The following GRM8 variants were observed in gnomAD, a reference collection of about 807,000 sequenced individuals.
GRM8 encodes metabotropic glutamate receptor 8.
In GRM8, 47 loss-of-function variants were observed where a neutral mutation model predicts 87.2. The ratio of observed to expected loss-of-function variants is 0.54; its 90% confidence interval spans 0.43 to 0.69. GRM8 has a LOEUF of 0.69. Among genes scored for constraint, GRM8 ranks in the 30% least tolerant of loss-of-function variants. GRM8 has a pLI of 0.00. For synonymous variants in GRM8, 396 were observed against 404.5 expected (o/e 0.98, Z 0.25); for missense variants, 1,019 against 1,139.2 (o/e 0.89, Z 1.52).
At chr7:126,595,954 T>G (rs1585163803) in intron 8 of GRM8, among the ~76,000 whole-genome samples, 1 of 152,178 alleles carries the variant, frequency 6.6e-6, no homozygotes. Flanking sequence ...CTGGACAATA[T>G]GGTGAAACCA....
chr7:127,116,897 G>A (rs553511257), intron 2 of GRM8, among the ~76,000 whole-genome samples: 1 of 152,254 alleles, frequency 6.6e-6, no homozygotes, highest in Admixed American at 6.5e-5. Flanking sequence ...GGGTTCTTAT[G>A]CCAGGACTAT....
At chr7:126,895,117 C>G (rs1433179783) in intron 6 of GRM8, among the ~76,000 whole-genome samples, 3 of 151,956 alleles carry the variant, frequency 2.0e-5, no homozygotes, top group African/African-American at 7.2e-5. Flanking sequence ...ATGAGAAAAA[C>G]ACGCACACAC....
At chr7:126,515,157 C>T (rs1811994353) in intron 9 of GRM8, among the ~76,000 whole-genome samples, 2 of 151,916 alleles carry the variant, frequency 1.3e-5, no homozygotes, top group South Asian at 4.1e-4. Context: ...TTAATTTCAT[C>T]ATATATCATA....
intron 6 of GRM8, among the ~76,000 whole-genome samples, chr7:126,810,070 G>T (rs1464701151): frequency 6.6e-6 from 1 of 152,084 alleles, no homozygotes; most frequent in Non-Finnish European, 1.5e-5. Flanking sequence ...GTATAAAGGG[G>T]AAAACATACT....
At chr7:126,975,359 GA>G (rs1447453110) in intron 3 of GRM8, among the ~76,000 whole-genome samples, 1 of 152,156 alleles carries the variant, frequency 6.6e-6, no homozygotes, top group Non-Finnish European at 1.5e-5. Flanking sequence ...ATTATTTAGG[GA>G]GACAAAACAT....
At chr7:126,991,895 T>C (rs978630528) in intron 3 of GRM8, among the ~76,000 whole-genome samples, 1 of 152,196 alleles carries the variant, frequency 6.6e-6, no homozygotes, top group Non-Finnish European at 1.5e-5. Flanking sequence ...TTTTCATCAG[T>C]GAGGTTCAGT....
At chr7:127,189,595 C>G (rs17862316) in intron 2 of GRM8, among the ~76,000 whole-genome samples, 2,460 of 152,040 alleles carry the variant, frequency 0.016, 32 homozygotes, top group South Asian at 0.044. Context: ...ATAGGAAGCA[C>G]TAAATGTTTA....
intron 7 of GRM8, among the ~76,000 whole-genome samples, chr7:126,700,653 T>C (rs1329948074): frequency 2.0e-5 from 3 of 152,252 alleles, no homozygotes; most frequent in African/African-American, 7.2e-5. Context: ...CCCAATTTAG[T>C]TCACCCTGAG....
At chr7:126,544,793 C>G (rs1393999089) in intron 8 of GRM8, among the ~76,000 whole-genome samples, 1 of 152,098 alleles carries the variant, frequency 6.6e-6, no homozygotes, top group African/African-American at 2.4e-5. Context: ...CAGACATGAG[C>G]CACCGCACCT....
At chr7:127,234,551 C>T (rs1797876102) in intron 2 of GRM8, among the ~76,000 whole-genome samples, 1 of 152,208 alleles carries the variant, frequency 6.6e-6, no homozygotes, top group African/African-American at 2.4e-5. Context: ...TTTTGTTTTG[C>T]ACACTTTGAC....
At chr7:126,538,253 T>C (rs1015911898) in intron 8 of GRM8, among the ~76,000 whole-genome samples, 2 of 152,238 alleles carry the variant, frequency 1.3e-5, no homozygotes, top group African/African-American at 4.8e-5. Flanking sequence ...CATTTTTAAA[T>C]TTTCAATCTT....
chr7:126,692,587 CA>C (rs1430158207), intron 7 of GRM8, among the ~76,000 whole-genome samples: 1 of 152,076 alleles, frequency 6.6e-6, no homozygotes, highest in Admixed American at 6.5e-5. Context: ...CTTGCAGCAG[CA>C]CATAATGGAA....
rs147698722 is a variant in GRM8 at position 126,678,550 on chromosome 7, C to G, written c.1358-69052G>C. Among the ~76,000 whole-genome samples the G allele has an allele frequency of 2.1e-3, 315 of 152,258 alleles. 2 individuals carry two copies. The highest frequency in any genetic ancestry group is 2.6e-3 in the Admixed American group (40 of 15,290). On this transcript the variant is annotated intron_variant, in intron 7 of 10. Transcript: ENST00000339582. ...AATTTTTTAAGAGAAATATCTTTATCCAAACTTAAAGCACTTTTCAAACAG... is the reference window on the plus strand; with the variant it reads ...AATTTTTTAAGAGAAATATCTTTATGCAAACTTAAAGCACTTTTCAAACAG...
chr7:127,061,416 C>G (rs1251655829), intron 3 of GRM8, among the ~76,000 whole-genome samples: 2 of 151,930 alleles, frequency 1.3e-5, no homozygotes, highest in Non-Finnish European at 2.9e-5. Context: ...CATTTTTAAC[C>G]AAAAAAATAC....
chr7:126,851,302 C>T (rs140918567), intron 6 of GRM8, among the ~76,000 whole-genome samples: 1 of 152,156 alleles, frequency 6.6e-6, no homozygotes. Flanking sequence ...TCATGCCCCT[C>T]CTGGACTACT....
At chr7:126,892,467 C>T (rs1177445945) in intron 6 of GRM8, among the ~76,000 whole-genome samples, 1 of 151,986 alleles carries the variant, frequency 6.6e-6, no homozygotes, top group Non-Finnish European at 1.5e-5. Flanking sequence ...GACATGAACT[C>T]ATCATTTTTT....
rs77033466 is a variant in GRM8, at chr7:126,548,317, T to TA, written c.1495-14431dup. 4.0e-3 allele frequency among the ~76,000 whole-genome samples: 576 copies of TA among 143,600 alleles called. 5 individuals carry two copies. The highest frequency in any genetic ancestry group is 0.013 in the African/African-American group (502 of 38,614). 94.2% of individuals were successfully genotyped at this position (143,600 alleles called of 152,430 possible). A position where few individuals can be genotyped will look rare whatever the true frequency, so the allele number is the denominator to read the frequency against. On this transcript the variant is annotated intron_variant, in intron 8 of 10. Coordinates refer to ENST00000339582, the MANE Select transcript of GRM8 (RefSeq NM_000845.3). ...TAACCTAGAACTTAAAGTATAATAA[T>TA]AAAAAAAAAAAGGACATAAACTGGT...
chr7:127,098,491 C>T (rs1224583430), intron 3 of GRM8, among the ~76,000 whole-genome samples: 1 of 152,026 alleles, frequency 6.6e-6, no homozygotes, highest in African/African-American at 2.4e-5. Context: ...TAAAACTGTA[C>T]TAAGATACAT....
chr7:126,814,763 T>G lies in GRM8; in HGVS notation c.1157-44698A>C, dbSNP rs558870714. Reference sequence around the variant, plus strand: ...ACTCATTCTAATGCCATTCTTATATTTTTTTTTTCAAAAATAAGCCACTGC... The same window carrying G: ...ACTCATTCTAATGCCATTCTTATATGTTTTTTTTCAAAAATAAGCCACTGC... On this transcript the variant is annotated intron_variant, in intron 6 of 10. Coordinates refer to ENST00000339582, the MANE Select transcript of GRM8 (RefSeq NM_000845.3). 4.8e-4 allele frequency among the ~76,000 whole-genome samples: 73 copies of G among 151,456 alleles called. 1 individual carries two copies. In the South Asian group the frequency reaches 0.015, roughly 30 times the overall value.
Sources: gnomAD v4.1 joint callset for allele counts (sites outside exome capture counted in the v4.1 genomes callset) on GRCh38, gnomAD v4.1.1 for gene constraint, MANE v1.5 for transcripts, NCBI Gene and HGNC (gene_info 2026-07-23, HGNC 2026-07-21) for gene names.